ZNF148: variants seen among roughly 807,000 people sequenced by gnomAD.
ZNF148 encodes Beta-Enolase Repressor Factor-1.
Under a neutral mutation model 67.7 loss-of-function variants are expected in ZNF148, and 7 were observed. The ratio of observed to expected loss-of-function variants is 0.10; its 90% CI spans 0.06 to 0.19. The LOEUF (loss-of-function observed/expected upper bound fraction) is 0.19, where lower values mean the gene tolerates loss of function less well. ZNF148 is among the 10% of genes least tolerant of loss of function. The pLI, the probability that ZNF148 is intolerant of heterozygous loss-of-function variation, is 1.00. For synonymous variants in ZNF148, 333 were observed against 330.7 expected, an observed-to-expected ratio of 1.01 and a Z score of -0.08; for missense variants, 583 against 947.1, an observed-to-expected ratio of 0.62 and a Z score of 5.05.
chr3:125,229,304 C>CGAGAG lies in ZNF148; in HGVS notation c.*3036_*3037insCTCTC, dbSNP rs1935758036. The CGAGAG allele has an allele frequency of 6.6e-6, 1 of 151,618 alleles. No homozygotes were observed. Among genetic ancestry groups the CGAGAG allele is most frequent in the African/African-American group, 2.4e-5 (1 of 41,226 alleles). 9.4% of individuals were successfully genotyped at this position (151,618 alleles called of 1,614,324 possible). On this transcript the variant is annotated 3_prime_UTR_variant, in exon 9 of 9. Coordinates refer to ENST00000360647, the MANE Select transcript of ZNF148 (RefSeq NM_021964.3). Reference sequence around the variant, plus strand: ...TAGCTGGCACTCTGCAAGTGTCTCTCCTCTGTGGAAACGAAATCCTGCCCT... The same window carrying CGAGAG: ...TAGCTGGCACTCTGCAAGTGTCTCTCGAGAGCTCTGTGGAAACGAAATCCTGCCCT...
intron 1 of ZNF148, among the ~76,000 whole-genome samples, chr3:125,333,692 A>G (rs1411328565): frequency 6.6e-6 from 1 of 152,204 alleles, no homozygotes; most frequent in Non-Finnish European, 1.5e-5. Context: ...CCTCCTTAGC[A>G]ATTCTTTTAA....
At chr3:125,328,039 C>T (rs943924869) in intron 2 of ZNF148, among the ~76,000 whole-genome samples, 1 of 151,736 alleles carries the variant, frequency 6.6e-6, no homozygotes, top group Admixed American at 6.6e-5. Context: ...ACCTATTCTT[C>T]CATCATGAGT....
At position 125,277,838 on chromosome 3, in the gene ZNF148, G is replaced by A. The variant is rs116125449; in HGVS notation, c.584-29C>T. 4.7e-4 allele frequency: 747 copies of A among 1,578,556 alleles called. 3 individuals carry two copies. The African/African-American group carries it at 8.9e-3, about 19-fold the overall frequency. The stretch of plus-strand genomic sequence containing the variant: ...AAAATAATTTCACATCCACAAATTA[G>A]TTACTGAATAAAACAACGGTTTTTA... On this transcript the variant is annotated intron_variant, in intron 6 of 8. Transcript: ENST00000360647.
chr3:125,358,476 T>C (rs1227087623), intron 1 of ZNF148, among the ~76,000 whole-genome samples: 1 of 152,206 alleles, frequency 6.6e-6, no homozygotes, highest in Non-Finnish European at 1.5e-5. Context: ...TCTGTTCTCA[T>C]TTCCTCAAAG....
At chr3:125,344,647 T>C (rs1941870037) in intron 1 of ZNF148, 1 of 688,426 alleles carries the variant, frequency 1.5e-6, no homozygotes, top group South Asian at 1.4e-5. Context: ...GCACCTCACA[T>C]GCCTCAGCCA....
intron 4 of ZNF148, among the ~76,000 whole-genome samples, chr3:125,295,864 T>C (rs892268813): frequency 3.9e-5 from 6 of 152,116 alleles, no homozygotes; most frequent in Admixed American, 1.3e-4. Context: ...CATCAGAAAA[T>C]CAAAAGAGAT....
chr3:125,356,794 C>T (rs1479609300), intron 1 of ZNF148, among the ~76,000 whole-genome samples: 1 of 152,202 alleles, frequency 6.6e-6, no homozygotes, highest in African/African-American at 2.4e-5. Context: ...TTCCTGGCAT[C>T]GTAAAAGGTG....
rs774154262 is a variant in ZNF148 at position 125,288,201 on chromosome 3, T to C, written c.361A>G (p.Thr121Ala). Residue 121 changes from threonine (T) to alanine (A), a missense_variant, in exon 5 of 9, where the codon ACT (threonine) becomes GCT (alanine). Coordinates refer to ENST00000360647, the MANE Select transcript of ZNF148 (RefSeq NM_021964.3). ...PISVKQEITFTDVSEQLMRDK... is the reference protein window; with the variant it reads ...PISVKQEITFADVSEQLMRDK... ...CTCATCAGTTGCTCAGATACATCAG[T>C]AAAAGTAATTTCCTGCTTTACGCTT... 6.2e-7 allele frequency: 1 copy of C among 1,613,570 alleles called. No individual in the cohort carries two copies.
chr3:125,242,577 G>A (rs1174037966), intron 7 of ZNF148, among the ~76,000 whole-genome samples: 1 of 152,192 alleles, frequency 6.6e-6, no homozygotes, highest in Non-Finnish European at 1.5e-5. Context: ...GTTACAGTGA[G>A]CCGAGACTGC....
chr3:125,302,071 AT>A (rs1210020861), intron 4 of ZNF148, among the ~76,000 whole-genome samples: 1 of 151,412 alleles, frequency 6.6e-6, no homozygotes, highest in Admixed American at 6.6e-5. Context: ...TCTCAAAAAA[AT>A]AAATAAATAA....
intron 1 of ZNF148, among the ~76,000 whole-genome samples, chr3:125,362,380 T>C: frequency 6.6e-6 from 1 of 152,140 alleles, no homozygotes; most frequent in East Asian, 1.9e-4. Flanking sequence ...ACTAAACTTC[T>C]TTAATCAATT....
chr3:125,314,403 C>T (rs552707415), intron 3 of ZNF148, among the ~76,000 whole-genome samples: 1 of 152,256 alleles, frequency 6.6e-6, no homozygotes, highest in East Asian at 1.9e-4. Context: ...GTAGTCAATA[C>T]CATAACGAAA....
In ZNF148 at chr3:125,351,481, G is replaced by A. The variant is rs190493127; in HGVS notation, c.-233-20243C>T. ...TTCTAGAGATCTGCTGTACAACATTGTGCTTATAATTAACAATACTGTATT... is the reference window on the plus strand; with the variant it reads ...TTCTAGAGATCTGCTGTACAACATTATGCTTATAATTAACAATACTGTATT... On this transcript the variant is annotated intron_variant, in intron 1 of 8. Coordinates refer to ENST00000360647, the MANE Select transcript of ZNF148 (RefSeq NM_021964.3). Among the ~76,000 whole-genome samples, 202 of 147,366 alleles carry A rather than the reference G, an allele frequency of 1.4e-3. 1 individual carries two copies. Among genetic ancestry groups the A allele is most frequent in the African/African-American group, 4.9e-3 (195 of 39,832 alleles).
chr3:125,336,337 A>T (rs573953182), intron 1 of ZNF148, among the ~76,000 whole-genome samples: 7 of 152,314 alleles, frequency 4.6e-5, no homozygotes, highest in African/African-American at 1.7e-4. Flanking sequence ...ACATTAGTCA[A>T]GTTATATTTT....
intron 7 of ZNF148, among the ~76,000 whole-genome samples, chr3:125,271,518 A>T (rs979578247): frequency 1.3e-5 from 2 of 152,220 alleles, no homozygotes; most frequent in Non-Finnish European, 2.9e-5. Context: ...TTGGTGCTTG[A>T]TCTACCCTTT....
chr3:125,353,914 G>C (rs973302284), intron 1 of ZNF148, among the ~76,000 whole-genome samples: 3 of 151,958 alleles, frequency 2.0e-5, no homozygotes, highest in African/African-American at 4.8e-5. Flanking sequence ...TCTCTATATA[G>C]AAACTAAAAA....
At chr3:125,272,012 T>C (rs1937768652) in intron 7 of ZNF148, among the ~76,000 whole-genome samples, 1 of 152,224 alleles carries the variant, frequency 6.6e-6, no homozygotes. Flanking sequence ...CAGTACACTG[T>C]AGATTTTCTT....
chr3:125,317,662 T>TATAGAGAGAGAGAGAGAGAG (rs752542874), intron 3 of ZNF148, among the ~76,000 whole-genome samples: 1,705 of 89,856 alleles, frequency 0.019, 26 homozygotes, highest in Non-Finnish European at 0.025. Context: ...TATATATATA[T>TATAGAGAGAGAGAGAGAGAG]AGAGAGAGAG....
chr3:125,316,865 T>A (rs562242484), intron 3 of ZNF148, among the ~76,000 whole-genome samples: 3 of 152,298 alleles, frequency 2.0e-5, no homozygotes, highest in Admixed American at 6.5e-5. Context: ...GTGATTTTTT[T>A]AAATTAATCT....
Sources: allele counts gnomAD v4.1 joint callset (sites outside exome capture counted in the v4.1 genomes callset), GRCh38; gene constraint gnomAD v4.1.1; transcripts MANE v1.5; gene names NCBI Gene and HGNC (gene_info 2026-07-23, HGNC 2026-07-21).